KSR2: variants seen among roughly 807,000 people sequenced by gnomAD.
KSR2 encodes the protein kinase suppressor of ras 2.
In KSR2, 25 loss-of-function variants were observed where a neutral mutation model predicts 107.8. The ratio of observed to expected loss-of-function variants is 0.23; its 90% CI spans 0.17 to 0.32. KSR2 has a LOEUF of 0.32. Ranked by LOEUF, KSR2 falls within the 10% of genes least tolerant of loss-of-function variation. The pLI, the probability that KSR2 is intolerant of heterozygous loss-of-function variation, is 1.00. For synonymous variants in KSR2, 480 were observed against 507.0 expected (o/e 0.95, Z 0.71); for missense variants, 887 against 1,268.9 (o/e 0.70, Z 4.57).
chr12:117,616,161 G>GAAAAA (rs10632275), intron 5 of KSR2, among the ~76,000 whole-genome samples: 8 of 114,206 alleles, frequency 7.0e-5, no homozygotes, highest in Non-Finnish European at 1.4e-4. Context: ...ACCCTGTCTC[G>GAAAAA]AAAAAAAAAA....
chr12:117,727,696 TC>T (rs1887489599), intron 4 of KSR2, among the ~76,000 whole-genome samples: 1 of 152,096 alleles, frequency 6.6e-6, no homozygotes, highest in African/African-American at 2.4e-5. Context: ...AGGGAGCACA[TC>T]CCTGCCCACA....
At chr12:117,546,696 T>G (rs1384246887) in intron 9 of KSR2, among the ~76,000 whole-genome samples, 1 of 152,206 alleles carries the variant, frequency 6.6e-6, no homozygotes, top group Non-Finnish European at 1.5e-5. Flanking sequence ...GTAATTTCTA[T>G]CATTCTATCT....
At chr12:117,622,181 C>T (rs1299098389) in intron 5 of KSR2, among the ~76,000 whole-genome samples, 1 of 152,074 alleles carries the variant, frequency 6.6e-6, no homozygotes, top group East Asian at 1.9e-4. Context: ...CATCTCTCTG[C>T]ACTTCTATAT....
intron 10 of KSR2, among the ~76,000 whole-genome samples, chr12:117,538,394 G>T (rs923088311): frequency 3.3e-5 from 5 of 152,068 alleles, no homozygotes; most frequent in Non-Finnish European, 5.9e-5. Flanking sequence ...AAACAGTGTG[G>T]GCAGGTGCTG....
intron 5 of KSR2, among the ~76,000 whole-genome samples, chr12:117,594,752 A>T (rs1880533711): frequency 6.6e-6 from 1 of 152,176 alleles, no homozygotes; most frequent in African/African-American, 2.4e-5. Context: ...ACATAAACAA[A>T]GTTAACCTAG....
intron 1 of KSR2, among the ~76,000 whole-genome samples, chr12:117,880,770 C>T (rs1489762298): frequency 1.4e-5 from 2 of 144,420 alleles, no homozygotes; most frequent in Non-Finnish European, 3.0e-5. Flanking sequence ...CAGGTTCAAG[C>T]GATTCTCCCA....
intron 14 of KSR2, among the ~76,000 whole-genome samples, chr12:117,489,745 C>T (rs1003149579): frequency 6.7e-4 from 102 of 152,108 alleles, no homozygotes; most frequent in African/African-American, 2.4e-3. Flanking sequence ...TGGCTGTGCC[C>T]ACCTGGATGT....
At chr12:117,646,045 G>A (rs1039477877) in intron 5 of KSR2, among the ~76,000 whole-genome samples, 2 of 151,980 alleles carry the variant, frequency 1.3e-5, no homozygotes, top group African/African-American at 2.4e-5. Context: ...AAAGCCTCCT[G>A]TATACTTTAA....
intron 1 of KSR2, among the ~76,000 whole-genome samples, chr12:117,894,750 TC>T (rs1894456614): frequency 2.8e-5 from 1 of 35,588 alleles, no homozygotes; most frequent in Non-Finnish European, 4.7e-5. Context: ...CCCCTCCCCC[TC>T]TCCCTCTCTC....
intron 9 of KSR2, among the ~76,000 whole-genome samples, chr12:117,546,489 A>G (rs1190009385): frequency 1.3e-5 from 2 of 152,066 alleles, no homozygotes; most frequent in Non-Finnish European, 2.9e-5. Context: ...AGATTCTTTA[A>G]TCTGTAGGTT....
chr12:117,739,471 G>A (rs951282801), intron 4 of KSR2, among the ~76,000 whole-genome samples: 2 of 152,186 alleles, frequency 1.3e-5, no homozygotes, highest in Admixed American at 6.5e-5. Flanking sequence ...AGAGACCACC[G>A]TTGAGATAAG....
At chr12:117,582,383 G>A (rs1879722121) in intron 5 of KSR2, 24 bp from the exon 6 acceptor site, 1 of 1,591,820 alleles carries the variant, frequency 6.3e-7, no homozygotes, top group Non-Finnish European at 8.6e-7. Context: ...AGAACAGCCT[G>A]TTACACAGAG....
chr12:117,754,637 CA>C (rs71450230), intron 4 of KSR2, among the ~76,000 whole-genome samples: 53,124 of 138,912 alleles, frequency 0.38, 10,070 homozygotes, highest in African/African-American at 0.51. Context: ...GGCTCCATCT[CA>C]AAAAAAAAAA....
At chr12:117,536,907 A>T (rs1003063947) in intron 10 of KSR2, among the ~76,000 whole-genome samples, 1 of 152,248 alleles carries the variant, frequency 6.6e-6, no homozygotes, top group African/African-American at 2.4e-5. Flanking sequence ...TGGTCAAAGG[A>T]ATGCACATTT....
At position 117,795,574 on chromosome 12, in the gene KSR2, C is replaced by T. The variant is rs138974363; in HGVS notation, c.473-34050G>A. 9.6e-4 allele frequency among the ~76,000 whole-genome samples: 146 copies of T among 152,256 alleles called. 1 individual carries two copies. Among genetic ancestry groups the T allele is most frequent in the Middle Eastern group, 6.8e-3 (2 of 294 alleles). ...CCTCCAAGATGCAGGAAAGAGGTTGCGACAGCTTCCTGGCAAGAATTCAGA... is the reference window on the plus strand; with the variant it reads ...CCTCCAAGATGCAGGAAAGAGGTTGTGACAGCTTCCTGGCAAGAATTCAGA... On this transcript the variant is annotated intron_variant, in intron 3 of 19. Transcript: ENST00000339824.
At chr12:117,628,802 C>G (rs1882661695) in intron 5 of KSR2, among the ~76,000 whole-genome samples, 1 of 152,264 alleles carries the variant, frequency 6.6e-6, no homozygotes, top group Non-Finnish European at 1.5e-5. Flanking sequence ...CTACGCCCTG[C>G]CCACAGAGGT....
intron 5 of KSR2, among the ~76,000 whole-genome samples, chr12:117,585,544 A>T (rs550823913): frequency 2.6e-5 from 4 of 152,178 alleles, no homozygotes; most frequent in Non-Finnish European, 5.9e-5. Context: ...GTGGGCAAGA[A>T]GATTTGAACT....
chr12:117,899,055 G>T (rs573513573), intron 1 of KSR2, among the ~76,000 whole-genome samples: 2 of 151,990 alleles, frequency 1.3e-5, no homozygotes, highest in African/African-American at 2.4e-5. Flanking sequence ...TTACATCTTC[G>T]GTAGGTACAT....
chr12:117,482,220 C>T (rs1464661489), intron 16 of KSR2, among the ~76,000 whole-genome samples: 3 of 151,880 alleles, frequency 2.0e-5, no homozygotes, highest in Non-Finnish European at 4.4e-5. Flanking sequence ...ACCCCATCAG[C>T]CCCCCAGATG....
Sources: gnomAD v4.1 joint callset for allele counts (sites outside exome capture counted in the v4.1 genomes callset) on GRCh38, gnomAD v4.1.1 for gene constraint, MANE v1.5 for transcripts, NCBI Gene and HGNC (gene_info 2026-07-23, HGNC 2026-07-21) for gene names.